GALNT14: variants seen among roughly 807,000 people sequenced by gnomAD.
The protein encoded by GALNT14 is polypeptide N-acetylgalactosaminyltransferase 14, also known as UDP-GalNAc:polypeptide N-acetylgalactosaminyltransferase 14.
In GALNT14, 60 loss-of-function variants were observed where a neutral mutation model predicts 77.5. The observed-to-expected ratio is 0.77, with a 90% CI of 0.63 to 0.96. GALNT14 has a LOEUF of 0.96. GALNT14 is among the 40% of genes least tolerant of loss of function. GALNT14 has a pLI of 0.00. For missense variants in GALNT14, 710 were observed against 731.0 expected, an observed-to-expected ratio of 0.97 and a Z score of 0.33; for synonymous variants, 280 against 281.7, an observed-to-expected ratio of 0.99 and a Z score of 0.06.
intron 13 of GALNT14, among the ~76,000 whole-genome samples, chr2:30,922,446 T>G (rs1429586824): frequency 5.9e-5 from 9 of 152,236 alleles, no homozygotes. Flanking sequence ...TCCTGCTTTC[T>G]GTCCAGCCTC....
chr2:31,062,094 G>A (rs933378536), intron 1 of GALNT14, among the ~76,000 whole-genome samples: 23 of 152,140 alleles, frequency 1.5e-4, no homozygotes, highest in Admixed American at 3.9e-4. Flanking sequence ...TGTGCAGAGC[G>A]TGCAAGTTTG....
the GALNT14 span, among the ~76,000 whole-genome samples, chr2:30,903,137 G>A: frequency 1.3e-5 from 2 of 152,170 alleles, no homozygotes; most frequent in African/African-American, 4.8e-5. Context: ...GGAGCTTCTG[G>A]GGCTGCACAC....
intron 1 of GALNT14, among the ~76,000 whole-genome samples, chr2:31,124,621 TTTTG>T (rs1256330544): frequency 2.0e-4 from 30 of 152,288 alleles, no homozygotes; most frequent in African/African-American, 7.0e-4. Flanking sequence ...GTTTTTTTGT[TTTTG>T]TTTGTTTGTT....
intron 1 of GALNT14, among the ~76,000 whole-genome samples, chr2:31,056,848 C>A (rs1469343900): frequency 6.6e-6 from 1 of 152,108 alleles, no homozygotes; most frequent in East Asian, 1.9e-4. Context: ...ACTTGCAACA[C>A]TACACACGAT....
chr2:31,011,335 T>C (rs1438673858), intron 1 of GALNT14, among the ~76,000 whole-genome samples: 2 of 152,210 alleles, frequency 1.3e-5, no homozygotes, highest in Non-Finnish European at 2.9e-5. Flanking sequence ...GAAGACAACG[T>C]TGTATGTCCA....
At chr2:31,137,659 C>G (rs566840789) in intron 1 of GALNT14, among the ~76,000 whole-genome samples, 3 of 152,278 alleles carry the variant, frequency 2.0e-5, no homozygotes, top group East Asian at 1.9e-4. Context: ...CGCCCGTCCG[C>G]AGAGCCCCCT....
intron 1 of GALNT14, among the ~76,000 whole-genome samples, chr2:31,023,325 G>A (rs1385886158): frequency 1.3e-5 from 2 of 152,140 alleles, no homozygotes; most frequent in Admixed American, 1.3e-4. Context: ...CACCCATTGT[G>A]TGATTTGGAT....
chr2:30,909,125 T>A (rs1245635814), downstream of GALNT14, among the ~76,000 whole-genome samples: 3 of 151,758 alleles, frequency 2.0e-5, no homozygotes, highest in Admixed American at 6.6e-5. Flanking sequence ...AACCTAGGCA[T>A]TACCATTCAG....
At chr2:30,956,306 T>C (rs1667365738) in intron 4 of GALNT14, among the ~76,000 whole-genome samples, 1 of 152,258 alleles carries the variant, frequency 6.6e-6, no homozygotes, top group Admixed American at 6.5e-5. Flanking sequence ...TTCTCTTTTC[T>C]TTTTTGTTAT....
chr2:30,947,979 C>T (rs577668303), intron 6 of GALNT14, among the ~76,000 whole-genome samples: 2 of 152,358 alleles, frequency 1.3e-5, no homozygotes, highest in African/African-American at 4.8e-5. Flanking sequence ...ACCTGCCCAG[C>T]TGCCACAGTT....
At chr2:31,107,306 A>C (rs1677607591) in intron 1 of GALNT14, among the ~76,000 whole-genome samples, 1 of 152,046 alleles carries the variant, frequency 6.6e-6, no homozygotes, top group Non-Finnish European at 1.5e-5. Flanking sequence ...GATGCCCCTT[A>C]TATCCAGGAT....
In GALNT14 at chr2:30,955,634, A is replaced by G; in HGVS notation, c.638T>C (p.Leu213Ser). ...CTCACTCACCTCTTTGACCCTGTGC[A>G]ACAGAGGCTGGAGCCAGTCCCTGTT... ...EVNRDWLQPL[L>S]HRVKEDYTRV... The change falls in exon 6 of 15, where the codon TTG (leucine) becomes TCG (serine). Residue 213 changes from leucine (L) to serine (S), a missense_variant. Coordinates refer to ENST00000349752, the MANE Select transcript of GALNT14 (RefSeq NM_024572.4). 2 of 1,614,174 alleles carry G rather than the reference A, an allele frequency of 1.2e-6. No homozygotes were observed. Among genetic ancestry groups the G allele is most frequent in the Non-Finnish European group, 1.7e-6 (2 of 1,180,038 alleles).
At chr2:30,958,115 G>A (rs902377443) in intron 4 of GALNT14, among the ~76,000 whole-genome samples, 1 of 152,164 alleles carries the variant, frequency 6.6e-6, no homozygotes, top group Non-Finnish European at 1.5e-5. Flanking sequence ...CACGGGGTTG[G>A]GGAGGTCCCA....
chr2:30,891,753 C>T, the GALNT14 span, among the ~76,000 whole-genome samples: 1 of 152,052 alleles, frequency 6.6e-6, no homozygotes, highest in Non-Finnish European at 1.5e-5. Flanking sequence ...AGTGATTCTT[C>T]CTGCATTATG....
intron 9 of GALNT14, among the ~76,000 whole-genome samples, chr2:30,933,709 G>C (rs1443054458): frequency 6.6e-6 from 1 of 152,184 alleles, no homozygotes; most frequent in Non-Finnish European, 1.5e-5. Context: ...AATAACATGG[G>C]GGAAAGGAAA....
At chr2:31,083,908 G>A (rs138706498) in intron 1 of GALNT14, among the ~76,000 whole-genome samples, 15 of 152,284 alleles carry the variant, frequency 9.9e-5, no homozygotes, top group African/African-American at 2.6e-4. Flanking sequence ...AGGAGAAGCC[G>A]GAGAAGTCCT....
chr2:31,064,349 A>T (rs1674799399), intron 1 of GALNT14, among the ~76,000 whole-genome samples: 1 of 152,226 alleles, frequency 6.6e-6, no homozygotes, highest in African/African-American at 2.4e-5. Context: ...AATTTTTAAA[A>T]TATTAGATCT....
chr2:30,984,981 G>A (rs1043027107), intron 2 of GALNT14, among the ~76,000 whole-genome samples: 9 of 152,128 alleles, frequency 5.9e-5, no homozygotes, highest in African/African-American at 1.7e-4. Flanking sequence ...TGGCCTTAGC[G>A]CAATCCACAT....
At chr2:30,992,184 G>C (rs898361003) in intron 2 of GALNT14, among the ~76,000 whole-genome samples, 1 of 152,124 alleles carries the variant, frequency 6.6e-6, no homozygotes, top group African/African-American at 2.4e-5. Context: ...GGTCGGTCGT[G>C]AGGCAGAAAG....
Sources: allele counts gnomAD v4.1 joint callset (sites outside exome capture counted in the v4.1 genomes callset), GRCh38; gene constraint gnomAD v4.1.1; transcripts MANE v1.5; gene names NCBI Gene and HGNC (gene_info 2026-07-23, HGNC 2026-07-21).